Variants in FANCL observed in about 807,000 individuals in gnomAD.
FANCL encodes the protein E3 ubiquitin-protein ligase FANCL.
A neutral mutation model predicts 59.4 loss-of-function variants in FANCL; 69 were observed. The observed-to-expected ratio is 1.16, with a 90% CI of 0.96 to 1.42. FANCL has a LOEUF of 1.42. Among genes scored for constraint, FANCL ranks in the 40% most tolerant of loss-of-function variants. The pLI is 0.00. For synonymous variants in FANCL, 180 were observed against 147.1 expected, an observed-to-expected ratio of 1.22 and a Z score of -1.62; for missense variants, 519 against 447.2, an observed-to-expected ratio of 1.16 and a Z score of -1.45.
At chr2:58,213,157 G>A (rs1289253214) in intron 5 of FANCL, among the ~76,000 whole-genome samples, 1 of 152,164 alleles carries the variant, frequency 6.6e-6, no homozygotes, top group African/African-American at 2.4e-5. Flanking sequence ...TATTGACAGA[G>A]TCTAGAAATC....
intron 7 of FANCL, among the ~76,000 whole-genome samples, chr2:58,181,262 T>C (rs1025275804): frequency 6.6e-6 from 1 of 152,020 alleles, no homozygotes; most frequent in Non-Finnish European, 1.5e-5. Flanking sequence ...CATGGATAAA[T>C]TTCAGAAAAT....
At chr2:58,166,881 T>C (rs926775361) in intron 7 of FANCL, among the ~76,000 whole-genome samples, 100 of 152,220 alleles carry the variant, frequency 6.6e-4, no homozygotes, top group African/African-American at 2.4e-3. Flanking sequence ...TCAGTTCCAC[T>C]GTGCTGGATT....
intron 5 of FANCL, among the ~76,000 whole-genome samples, chr2:58,216,828 GC>G (rs1691767516): frequency 6.6e-6 from 1 of 151,658 alleles, no homozygotes; most frequent in African/African-American, 2.4e-5. Flanking sequence ...TCTCCTTACC[GC>G]CCAGGTTGGA....
intron 1 of FANCL, among the ~76,000 whole-genome samples, chr2:58,239,682 GA>G (rs1481332347): frequency 6.6e-6 from 1 of 152,144 alleles, no homozygotes; most frequent in Non-Finnish European, 1.5e-5. Context: ...TCGTTCTTAT[GA>G]AATGTATGCT....
chr2:58,218,712 G>A (rs189145551), intron 5 of FANCL, among the ~76,000 whole-genome samples: 23 of 151,972 alleles, frequency 1.5e-4, no homozygotes, highest in African/African-American at 3.9e-4. Flanking sequence ...TGCTCTGCAC[G>A]TATACTGCAA....
chr2:58,214,750 G>A (rs1223760706), intron 5 of FANCL, among the ~76,000 whole-genome samples: 1 of 151,878 alleles, frequency 6.6e-6, no homozygotes, highest in Non-Finnish European at 1.5e-5. Flanking sequence ...GAGCTCAAGT[G>A]ATCTGCCCCA....
At position 58,159,592 on chromosome 2, in the gene FANCL, C is replaced by T. The variant is rs976332865; in HGVS notation, c.*173G>A. ...AACTGGACTTTGGCCTACAATTTCC[C>T]AGTTTACTCTTAGTGAAGAGACAAA... is the stretch of plus-strand genomic sequence containing the variant. On this transcript the variant is annotated 3_prime_UTR_variant, in exon 14 of 14. Transcript: ENST00000233741. The T allele has an allele frequency of 1.9e-6, 3 of 1,613,740 alleles. No individual in the cohort carries two copies. The highest frequency in any genetic ancestry group is 2.5e-6 in the Non-Finnish European group (3 of 1,179,822).
chr2:58,209,315 A>G (rs912130154), intron 5 of FANCL, among the ~76,000 whole-genome samples: 1 of 152,226 alleles, frequency 6.6e-6, no homozygotes, highest in Non-Finnish European at 1.5e-5. Flanking sequence ...AGTTTCAAAC[A>G]ATAGCTGAAA....
chr2:58,232,309 C>G (rs756459114), intron 1 of FANCL, among the ~76,000 whole-genome samples, 197 bp from the exon 2 acceptor site: 1 of 152,006 alleles, frequency 6.6e-6, no homozygotes. Context: ...AACTGTCTTA[C>G]AAAAACTTTG....
intron 7 of FANCL, among the ~76,000 whole-genome samples, chr2:58,167,168 C>T (rs552344087): frequency 1.3e-5 from 2 of 152,182 alleles, no homozygotes; most frequent in South Asian, 2.1e-4. Context: ...GCCGAGATCG[C>T]GCCACTGCAC....
At position 58,222,154 on chromosome 2, in the gene FANCL, T is replaced by C; in HGVS notation, c.274-112A>G. On this transcript the variant is annotated intron_variant, in intron 4 of 13. Transcript: ENST00000233741. ...CTTCTTAGTGCCTAATAAAAGTGCC[T>C]GTTTTTTTACGGAAATCTGGCTGAC... 5 of 749,114 alleles carry C rather than the reference T, an allele frequency of 6.7e-6. No individual in the cohort carries two copies. In the South Asian group the frequency reaches 8.4e-5, roughly 13 times the overall value. The allele number at this position is 749,114 out of a possible 1,614,324, so 46.4% of individuals were successfully genotyped here. A position where few individuals can be genotyped will look rare whatever the true frequency, so the allele number is the denominator to read the frequency against.
Position 58,238,637 on chromosome 2 carries a change from T to C in FANCL, c.96+2581A>G, listed in dbSNP as rs144081841. 1.1e-3 allele frequency among the ~76,000 whole-genome samples: 166 copies of C among 152,296 alleles called. 1 individual carries two copies. Among genetic ancestry groups the C allele is most frequent in the Middle Eastern group, 3.4e-3 (1 of 294 alleles). On this transcript the variant is annotated intron_variant, in intron 1 of 13. Transcript: ENST00000233741. ...GAGACAACACCTAAAACTGATTACA[T>C]ATTAGGTCACAGGAAAAAGTACCAG...
chr2:58,226,498 T>G (rs1394971383), intron 4 of FANCL, among the ~76,000 whole-genome samples: 2 of 152,152 alleles, frequency 1.3e-5, no homozygotes, highest in Non-Finnish European at 2.9e-5. Context: ...AACACTAGTG[T>G]CAAGAATACC....
chr2:58,208,793 C>T (rs1573718028), intron 5 of FANCL, among the ~76,000 whole-genome samples: 1 of 152,192 alleles, frequency 6.6e-6, no homozygotes, highest in East Asian at 1.9e-4. Context: ...CCAATCCATT[C>T]TGCCTTCTGT....
At chr2:58,230,515 T>C (rs1693478916) in intron 2 of FANCL, among the ~76,000 whole-genome samples, 1 of 152,136 alleles carries the variant, frequency 6.6e-6, no homozygotes, top group African/African-American at 2.4e-5. Context: ...GATAAGTTAA[T>C]GTTCATCCAC....
intron 5 of FANCL, among the ~76,000 whole-genome samples, chr2:58,211,254 A>G (rs967069927): frequency 4.1e-4 from 63 of 152,214 alleles, no homozygotes; most frequent in African/African-American, 1.4e-3. Flanking sequence ...CCACAGGCTC[A>G]ACAACATGTG....
At chr2:58,163,141 ATACAGAATGTTTCTTAAC>A in intron 9 of FANCL, 67 bp from the exon 10 acceptor site, 1 of 1,356,692 alleles carries the variant, frequency 7.4e-7, no homozygotes, top group Non-Finnish European at 1.0e-6. Flanking sequence ...GCCACATTTG[ATACAGAATGTTTCTTAAC>A]TACTTGATTA....
chr2:58,191,620 G>A (rs1688927360), intron 7 of FANCL, among the ~76,000 whole-genome samples: 2 of 151,856 alleles, frequency 1.3e-5, no homozygotes, highest in Admixed American at 6.6e-5. Context: ...TTTACTGCAC[G>A]TAAATAAAAT....
At chr2:58,226,645 A>T in intron 4 of FANCL, 83 bp downstream of exon 4, 1 of 969,388 alleles carries the variant, frequency 1.0e-6, no homozygotes, top group Non-Finnish European at 1.6e-6. Flanking sequence ...AAATTCTAAT[A>T]ATGTCAGTTT....
Sources: gnomAD v4.1 joint callset for allele counts (sites outside exome capture counted in the v4.1 genomes callset) on GRCh38, gnomAD v4.1.1 for gene constraint, MANE v1.5 for transcripts, NCBI Gene and HGNC (gene_info 2026-07-23, HGNC 2026-07-21) for gene names.